ASPRV1: variants seen among roughly 807,000 people sequenced by gnomAD.
ASPRV1 encodes the protein aspartic peptidase retroviral like 1.
ASPRV1 carries 7 observed loss-of-function variants against 11.0 expected under a neutral mutation model. The ratio of observed to expected loss-of-function variants is 0.64; its 90% confidence interval spans 0.36 to 1.20. The LOEUF (loss-of-function observed/expected upper bound fraction) is 1.20, where lower values mean the gene tolerates loss of function less well. Among genes scored for constraint, ASPRV1 ranks in the 50% most tolerant of loss-of-function variants. The pLI, the probability that ASPRV1 is intolerant of heterozygous loss-of-function variation, is 0.02. For missense variants in ASPRV1, 299 were observed against 320.0 expected (o/e 0.93, Z 0.50); for synonymous variants, 136 against 138.4 (o/e 0.98, Z 0.12).
chr2:69,961,051 G>C lies in ASPRV1; in HGVS notation c.386C>G (p.Ser129Cys). Reference protein sequence around the residue: ...GKVPVRFLVDSGAQVSVVHPN... With the variant: ...GKVPVRFLVDCGAQVSVVHPN... ...GTGGACCACAGAGACCTGGGCCCCA[G>C]AGTCCACCAGGAACCTCACGGGCAC... The change falls in exon 1 of 1, where the codon TCT (serine) becomes TGT (cysteine). Residue 129 changes from serine to cysteine, a missense_variant. By Grantham distance (112) the Ser-to-Cys change is moderately radical. Coordinates refer to ENST00000320256, the MANE Select transcript of ASPRV1 (RefSeq NM_152792.4). The C allele has an allele frequency of 1.9e-6, 3 of 1,613,984 alleles. No homozygotes were observed. The highest frequency in any genetic ancestry group is 2.5e-6 in the Non-Finnish European group (3 of 1,179,942).
downstream of ASPRV1, among the ~76,000 whole-genome samples, chr2:69,958,100 C>T (rs748112936): frequency 1.3e-5 from 2 of 152,226 alleles, no homozygotes; most frequent in East Asian, 1.9e-4. Flanking sequence ...GCTTCTCTCC[C>T]GGGCTTCTCT....
chr2:69,944,766 A>G, the ASPRV1 span, among the ~76,000 whole-genome samples: 2 of 151,980 alleles, frequency 1.3e-5, no homozygotes, highest in East Asian at 1.9e-4. Flanking sequence ...TGTCCTCTCA[A>G]TCTCAACTTC....
At chr2:69,988,812 G>A in the ASPRV1 span, 1 of 456,670 alleles carries the variant, frequency 2.2e-6, no homozygotes, top group Non-Finnish European at 4.4e-6. Context: ...TCAAAGCAGG[G>A]GTCAACATGG....
At chr2:70,000,907 A>G in the ASPRV1 span, among the ~76,000 whole-genome samples, 2 of 152,046 alleles carry the variant, frequency 1.3e-5, no homozygotes, top group South Asian at 4.1e-4. Context: ...AAAGAGTCCA[A>G]GTAATAAAAA....
chr2:70,018,348 C>A, the ASPRV1 span, among the ~76,000 whole-genome samples: 2 of 151,864 alleles, frequency 1.3e-5, no homozygotes, highest in Admixed American at 1.3e-4. Context: ...GCTCATACTA[C>A]CCAAAATGAC....
chr2:69,949,705 G>A, the ASPRV1 span, among the ~76,000 whole-genome samples: 8,165 of 152,068 alleles, frequency 0.054, 620 homozygotes, highest in Admixed American at 0.19. Context: ...TTACATTTCG[G>A]CATATTTAGT....
the ASPRV1 span, among the ~76,000 whole-genome samples, chr2:70,065,264 G>A: frequency 4.0e-5 from 6 of 151,300 alleles, no homozygotes; most frequent in South Asian, 6.3e-4. Context: ...AAAAATTAGC[G>A]CCTGTAGTCC....
chr2:70,083,091 T>A, the ASPRV1 span, among the ~76,000 whole-genome samples: 1 of 151,826 alleles, frequency 6.6e-6, no homozygotes, highest in Non-Finnish European at 1.5e-5. Flanking sequence ...AAAACAAGAG[T>A]TAGGAACTTA....
the ASPRV1 span, among the ~76,000 whole-genome samples, chr2:70,020,994 T>C: frequency 2.0e-5 from 3 of 152,206 alleles, no homozygotes; most frequent in Non-Finnish European, 2.9e-5. Flanking sequence ...AAAAATTTTA[T>C]GTGTATTTTA....
the ASPRV1 span, among the ~76,000 whole-genome samples, chr2:70,068,674 A>C: frequency 2.0e-5 from 3 of 152,108 alleles, no homozygotes; most frequent in Admixed American, 2.0e-4. Context: ...TCATGCCTGT[A>C]ATCCCAACAC....
chr2:69,959,281 A>C (rs1308487478), downstream of ASPRV1, among the ~76,000 whole-genome samples: 1 of 152,008 alleles, frequency 6.6e-6, no homozygotes, highest in African/African-American at 2.4e-5. Flanking sequence ...TCCTGGGCCC[A>C]AAGTTTGGAG....
the ASPRV1 span, chr2:70,031,871 C>T: frequency 6.6e-6 from 1 of 152,288 alleles, no homozygotes; most frequent in Admixed American, 6.5e-5. Flanking sequence ...GCGTTTCCCT[C>T]AGGGTGGCAA....
chr2:70,077,206 T>C, the ASPRV1 span: 4 of 152,210 alleles, frequency 2.6e-5, no homozygotes, highest in African/African-American at 9.6e-5. Context: ...ACTATTATTT[T>C]TGTTATCATC....
At chr2:70,010,605 A>G in the ASPRV1 span, among the ~76,000 whole-genome samples, 1 of 152,166 alleles carries the variant, frequency 6.6e-6, no homozygotes, top group Admixed American at 6.5e-5. Context: ...AGCTCACAAG[A>G]GAAGTATTTA....
chr2:69,968,647 T>C, the ASPRV1 span: 1 of 152,238 alleles, frequency 6.6e-6, no homozygotes, highest in Non-Finnish European at 1.5e-5. Context: ...TGGGGTGTGT[T>C]TGAAAATTTC....
the ASPRV1 span, among the ~76,000 whole-genome samples, chr2:70,040,101 C>T: frequency 1.3e-5 from 2 of 152,128 alleles, no homozygotes; most frequent in African/African-American, 2.4e-5. Flanking sequence ...GAGTAAGAAA[C>T]TCAGAAGAGA....
chr2:70,002,524 T>C, the ASPRV1 span, among the ~76,000 whole-genome samples: 961 of 152,368 alleles, frequency 6.3e-3, 9 homozygotes, highest in African/African-American at 0.022. Flanking sequence ...CTGCATGTTG[T>C]GGGCTACCTG....
chr2:70,020,443 A>C, the ASPRV1 span, among the ~76,000 whole-genome samples: 1 of 152,174 alleles, frequency 6.6e-6, no homozygotes, highest in Non-Finnish European at 1.5e-5. Context: ...CTACAATATA[A>C]ACATTTAAGA....
At chr2:70,066,236 T>C in the ASPRV1 span, among the ~76,000 whole-genome samples, 8 of 151,914 alleles carry the variant, frequency 5.3e-5, no homozygotes, top group East Asian at 5.8e-4. Flanking sequence ...GAAACATCAC[T>C]AACATCATTT....
Sources: allele counts gnomAD v4.1 joint callset (sites outside exome capture counted in the v4.1 genomes callset), GRCh38; gene constraint gnomAD v4.1.1; transcripts MANE v1.5; gene names NCBI Gene and HGNC (gene_info 2026-07-23, HGNC 2026-07-21).